LRP1B: variants seen among roughly 807,000 people sequenced by gnomAD.
LRP1B encodes low-density lipoprotein receptor-related protein 1B.
Under a neutral mutation model 556.6 loss-of-function variants are expected in LRP1B, and 217 were observed. The ratio of observed to expected loss-of-function variants is 0.39; its 90% CI spans 0.35 to 0.44. LRP1B has a LOEUF of 0.44. Among genes scored for constraint, LRP1B ranks in the 20% least tolerant of loss-of-function variants. LRP1B has a pLI of 1.00. For missense variants in LRP1B, 5,053 were observed against 5,620.8 expected (o/e 0.90, Z 3.23); for synonymous variants, 2,047 against 1,865.8 (o/e 1.10, Z -2.50).
At chr2:140,913,540 G>A (rs758408483) in intron 21 of LRP1B, among the ~76,000 whole-genome samples, 18 of 151,770 alleles carry the variant, frequency 1.2e-4, no homozygotes, top group East Asian at 1.9e-4. Context: ...CTTAACATTC[G>A]AATATATACC....
At chr2:141,587,677 G>A (rs959213965) in intron 2 of LRP1B, among the ~76,000 whole-genome samples, 1 of 152,020 alleles carries the variant, frequency 6.6e-6, no homozygotes, top group Non-Finnish European at 1.5e-5. Flanking sequence ...GAAAACCTAT[G>A]AGAAATTATT....
At chr2:141,806,293 A>G (rs1247586350) in intron 2 of LRP1B, among the ~76,000 whole-genome samples, 1 of 152,062 alleles carries the variant, frequency 6.6e-6, no homozygotes, top group Non-Finnish European at 1.5e-5. Flanking sequence ...TTCTCATCAC[A>G]TGCTATGCTA....
At chr2:140,940,759 G>T (rs1695376520) in intron 20 of LRP1B, among the ~76,000 whole-genome samples, 1 of 152,102 alleles carries the variant, frequency 6.6e-6, no homozygotes, top group East Asian at 1.9e-4. Context: ...ATAATAGAAT[G>T]ATTTATAATC....
intron 4 of LRP1B, among the ~76,000 whole-genome samples, chr2:141,250,284 C>G (rs746750460): frequency 3.3e-5 from 5 of 152,090 alleles, no homozygotes; most frequent in African/African-American, 9.7e-5. Context: ...TAGTCTCAGA[C>G]TGGGGGCTGG....
At chr2:140,234,630 G>T in intron 90 of LRP1B, 156 bp downstream of exon 90, 1 of 566,234 alleles carries the variant, frequency 1.8e-6, no homozygotes. Context: ...GCATAGACAG[G>T]ACACATAACA....
intron 7 of LRP1B, among the ~76,000 whole-genome samples, chr2:141,063,996 G>A (rs1699411196): frequency 6.6e-6 from 1 of 151,816 alleles, no homozygotes; most frequent in African/African-American, 2.4e-5. Flanking sequence ...AGGTGAGTCT[G>A]AAGATGAAGC....
intron 7 of LRP1B, among the ~76,000 whole-genome samples, chr2:141,122,753 T>C (rs1234571381): frequency 6.6e-6 from 1 of 152,206 alleles, no homozygotes; most frequent in Non-Finnish European, 1.5e-5. Context: ...TTACTGGGCA[T>C]ATACCTAAAG....
At chr2:140,664,213 G>T (rs149959794) in intron 41 of LRP1B, among the ~76,000 whole-genome samples, 1 of 152,164 alleles carries the variant, frequency 6.6e-6, no homozygotes, top group African/African-American at 2.4e-5. Flanking sequence ...TTACCAAAAT[G>T]TAACAAAGGT....
At chr2:141,246,528 T>C (rs1283768314) in intron 5 of LRP1B, among the ~76,000 whole-genome samples, 1 of 152,228 alleles carries the variant, frequency 6.6e-6, no homozygotes, top group Non-Finnish European at 1.5e-5. Flanking sequence ...TAAATCACTT[T>C]ATTATATAAA....
chr2:141,756,755 G>A (rs1694335486), intron 2 of LRP1B, among the ~76,000 whole-genome samples: 2 of 152,162 alleles, frequency 1.3e-5, no homozygotes, highest in South Asian at 4.1e-4. Context: ...GTAACATGCT[G>A]TCTAGGTTCA....
At chr2:141,442,368 A>T (rs1454699820) in intron 3 of LRP1B, among the ~76,000 whole-genome samples, 1 of 151,998 alleles carries the variant, frequency 6.6e-6, no homozygotes, top group African/African-American at 2.4e-5. Context: ...TGTAAAAAAC[A>T]GTGGACAATA....
intron 60 of LRP1B, among the ~76,000 whole-genome samples, chr2:140,469,530 C>T (rs527698905): frequency 1.3e-5 from 2 of 152,242 alleles, no homozygotes; most frequent in South Asian, 2.1e-4. Flanking sequence ...GAAGAAGACA[C>T]AAAAAATATT....
At chr2:140,559,139 T>A (rs74760136) in intron 43 of LRP1B, among the ~76,000 whole-genome samples, 7 of 152,236 alleles carry the variant, frequency 4.6e-5, no homozygotes, top group Non-Finnish European at 8.8e-5. Flanking sequence ...CAATTGAACA[T>A]GTTAAACAAT....
intron 1 of LRP1B, among the ~76,000 whole-genome samples, chr2:142,077,804 A>C (rs1326657082): frequency 6.6e-6 from 1 of 152,162 alleles, no homozygotes; most frequent in Non-Finnish European, 1.5e-5. Flanking sequence ...AGAAGGCCTC[A>C]GAAATGCTTT....
intron 41 of LRP1B, among the ~76,000 whole-genome samples, chr2:140,634,889 A>T (rs937167097): frequency 3.9e-5 from 6 of 152,122 alleles, no homozygotes; most frequent in Non-Finnish European, 8.8e-5. Context: ...GAATCCTGAA[A>T]CAACAAAAAC....
chr2:140,385,299 C>T (rs546135828), intron 67 of LRP1B, among the ~76,000 whole-genome samples: 1 of 152,162 alleles, frequency 6.6e-6, no homozygotes, highest in African/African-American at 2.4e-5. Context: ...GATACTGTCA[C>T]AATTTTATAT....
chr2:141,840,521 T>A (rs903226054), intron 1 of LRP1B, among the ~76,000 whole-genome samples: 2 of 152,022 alleles, frequency 1.3e-5, no homozygotes, highest in African/African-American at 4.8e-5. Flanking sequence ...CCTCCCAAAG[T>A]GCTGGGATTA....
chr2:141,544,392 TCCTCCTCCTCCTCC>T (rs2105218447), intron 2 of LRP1B, among the ~76,000 whole-genome samples: 1 of 123,888 alleles, frequency 8.1e-6, no homozygotes, highest in South Asian at 3.0e-4. Context: ...CTCCTCCTCC[TCCTCCTCCTCCTCC>T]TCCTCCTTCT....
chr2:141,753,675 T>C (rs13404463), intron 2 of LRP1B, among the ~76,000 whole-genome samples: 5,900 of 152,214 alleles, frequency 0.039, 366 homozygotes, highest in African/African-American at 0.13. Flanking sequence ...AGTCACTTCG[T>C]TATTGAAACC....
Sources: allele counts gnomAD v4.1 joint callset (sites outside exome capture counted in the v4.1 genomes callset), GRCh38; gene constraint gnomAD v4.1.1; transcripts MANE v1.5; gene names NCBI Gene and HGNC (gene_info 2026-07-23, HGNC 2026-07-21).